The following ERBIN variants were observed in gnomAD, a reference collection of about 807,000 sequenced individuals.
ERBIN encodes the protein erbb2 interacting protein, also known as densin-180-like protein.
ERBIN carries 60 observed loss-of-function variants against 158.4 expected under a neutral mutation model. The observed-to-expected ratio is 0.38, with a 90% confidence interval of 0.31 to 0.47. The LOEUF is 0.47. Ranked by LOEUF, ERBIN falls within the 20% of genes least tolerant of loss-of-function variation. The pLI, the probability that ERBIN is intolerant of heterozygous loss-of-function variation, is 0.99. For synonymous variants in ERBIN, 594 were observed against 557.2 expected, an observed-to-expected ratio of 1.07 and a Z score of -0.93; for missense variants, 1,610 against 1,648.0, an observed-to-expected ratio of 0.98 and a Z score of 0.40.
intron 14 of ERBIN, among the ~76,000 whole-genome samples, chr5:66,030,286 C>T (rs1425776803): frequency 6.6e-6 from 1 of 152,114 alleles, no homozygotes; most frequent in East Asian, 1.9e-4. Flanking sequence ...AGGTAATCCG[C>T]CTGCTTCGGC....
intron 1 of ERBIN, among the ~76,000 whole-genome samples, chr5:65,970,733 C>T (rs1412375736): frequency 6.6e-6 from 1 of 152,158 alleles, no homozygotes; most frequent in East Asian, 1.9e-4. Context: ...GGGCTACAGA[C>T]GTACACCAGC....
chr5:65,973,660 T>C (rs997126369), intron 1 of ERBIN, among the ~76,000 whole-genome samples: 1 of 151,224 alleles, frequency 6.6e-6, no homozygotes, highest in African/African-American at 2.5e-5. Flanking sequence ...AAAATACCAC[T>C]TAAAGAACCG....
At chr5:65,958,910 A>G (rs1188261273) in intron 1 of ERBIN, among the ~76,000 whole-genome samples, 3 of 152,180 alleles carry the variant, frequency 2.0e-5, no homozygotes, top group Non-Finnish European at 2.9e-5. Flanking sequence ...AGAGTAAGCT[A>G]TGATGTTTGA....
At chr5:66,038,304 T>C (rs766710597) in intron 14 of ERBIN, 79 bp from the exon 15 acceptor site, 2 of 824,688 alleles carry the variant, frequency 2.4e-6, no homozygotes, top group Non-Finnish European at 3.9e-6. Flanking sequence ...AAAAGTGGTG[T>C]GTACTTATGC....
At chr5:66,038,571 A>T (rs1387402987) in intron 15 of ERBIN, 89 bp downstream of exon 15, 1 of 933,348 alleles carries the variant, frequency 1.1e-6, no homozygotes, top group South Asian at 1.8e-5. Context: ...GACTTTTACC[A>T]GTTTGATGGG....
intron 1 of ERBIN, among the ~76,000 whole-genome samples, chr5:65,937,280 A>G (rs1744198324): frequency 1.3e-5 from 2 of 152,232 alleles, no homozygotes; most frequent in Non-Finnish European, 2.9e-5. Flanking sequence ...ATTTGCACCA[A>G]GATTATAAAA....
chr5:65,983,264 T>C (rs1023535076), intron 1 of ERBIN, among the ~76,000 whole-genome samples: 2 of 152,192 alleles, frequency 1.3e-5, no homozygotes, highest in African/African-American at 4.8e-5. Context: ...CTTCTAGTTA[T>C]AAGTATGATC....
chr5:66,045,310 A>G (rs913443197), intron 17 of ERBIN, among the ~76,000 whole-genome samples: 5 of 152,194 alleles, frequency 3.3e-5, no homozygotes, highest in Non-Finnish European at 5.9e-5. Context: ...ATGTTTGCAT[A>G]CACAAATACT....
At chr5:66,009,211 C>G (rs766050957) in intron 4 of ERBIN, among the ~76,000 whole-genome samples, 3 of 152,128 alleles carry the variant, frequency 2.0e-5, no homozygotes, top group Admixed American at 6.5e-5. Context: ...TTAGTCAGTT[C>G]AGCAAAGGGA....
At chr5:66,076,796 G>T in intron 24 of ERBIN, 79 bp from the exon 25 acceptor site, 1 of 968,286 alleles carries the variant, frequency 1.0e-6, no homozygotes, top group Non-Finnish European at 1.6e-6. Context: ...TTTGCATGGT[G>T]TGGAGGAAAA....
chr5:66,038,758 C>A (rs1757645525), intron 15 of ERBIN, among the ~76,000 whole-genome samples: 1 of 151,948 alleles, frequency 6.6e-6, no homozygotes. Context: ...GCTAGGAATA[C>A]ATGTTAAGTG....
intron 1 of ERBIN, among the ~76,000 whole-genome samples, chr5:65,971,554 A>G (rs1281053933): frequency 6.6e-6 from 1 of 152,224 alleles, no homozygotes; most frequent in Non-Finnish European, 1.5e-5. Context: ...ATAGTTTCTT[A>G]TGGACACTCA....
At position 66,076,878 on chromosome 5, in the gene ERBIN, A is replaced by G. The variant is rs755119900; in HGVS notation, c.4060A>G (p.Ile1354Val). The G allele has an allele frequency of 3.7e-6, 6 of 1,605,476 alleles. No homozygotes were observed. The African/African-American group carries it at 4.0e-5, about 11-fold the overall frequency. Residue 1354 changes from isoleucine to valine, a missense_variant, in exon 25 of 26, where the codon ATA becomes GTA. By Grantham distance (29) the Ile-to-Val change is conservative. Transcript: ENST00000284037. Reference protein sequence around the residue: ...GNPFRPDDDGIFVTRVQPEGP... With the variant: ...GNPFRPDDDGVFVTRVQPEGP... ...ATAATTTTTTTTGTTGTTAAAGGGT[A>G]TATTTGTAACAAGGGTACAACCTGA...
rs1169712722 is a variant in ERBIN at position 66,079,866 on chromosome 5, G to A, written c.*1336G>A. ...CTGTAACAAATATTTGATGATAGAG[G>A]TTTATTAATTTTGTTTATCCAGACC... On this transcript the variant is annotated 3_prime_UTR_variant, in exon 26 of 26. Coordinates refer to ENST00000284037, the MANE Select transcript of ERBIN (RefSeq NM_001253697.2). 1 of 152,030 alleles carries A rather than the reference G, an allele frequency of 6.6e-6. No individual in the cohort carries two copies. Among genetic ancestry groups the A allele is most frequent in the Non-Finnish European group, 1.5e-5 (1 of 67,964 alleles). The allele number at this position is 152,030 out of a possible 1,614,324, so 9.4% of individuals were successfully genotyped here.
intron 1 of ERBIN, among the ~76,000 whole-genome samples, chr5:65,948,522 A>G (rs1351161619): frequency 1.3e-5 from 2 of 152,054 alleles, no homozygotes; most frequent in African/African-American, 4.8e-5. Context: ...GGTAAAATAT[A>G]CAAAACGCTC....
In ERBIN at chr5:66,023,297, T is replaced by A; in HGVS notation, c.605T>A (p.Val202Glu). 1 of 1,612,882 alleles carries A rather than the reference T, an allele frequency of 6.2e-7. No individual in the cohort carries two copies. The highest frequency in any genetic ancestry group is 1.1e-5 in the South Asian group (1 of 91,006). Reference protein sequence around the residue: ...GSNEFTEVPEVLEQLSGLKEF... With the variant: ...GSNEFTEVPEELEQLSGLKEF... ...CTACCCTAATCCCAACAGCCTGAAG[T>A]ACTTGAGCAACTAAGTGGATTGAAA... Residue 202 changes from valine to glutamate, a missense_variant, in exon 9 of 26, where the codon GTA becomes GAA. Coordinates refer to ENST00000284037, the MANE Select transcript of ERBIN (RefSeq NM_001253697.2).
intron 14 of ERBIN, among the ~76,000 whole-genome samples, chr5:66,029,288 T>C (rs1485700907): frequency 6.6e-6 from 1 of 152,200 alleles, no homozygotes; most frequent in Non-Finnish European, 1.5e-5. Context: ...CAAAATAGAA[T>C]GTACAATTTA....
intron 17 of ERBIN, among the ~76,000 whole-genome samples, 183 bp downstream of exon 17, chr5:66,044,493 G>A (rs1758219990): frequency 6.6e-6 from 1 of 152,166 alleles, no homozygotes; most frequent in Admixed American, 6.5e-5. Context: ...GGCTGGGCGT[G>A]GTGGCTCACA....
chr5:66,007,028 C>T (rs1479918649), intron 4 of ERBIN, among the ~76,000 whole-genome samples: 2 of 149,260 alleles, frequency 1.3e-5, no homozygotes, highest in Non-Finnish European at 2.9e-5. Context: ...ACCCAGCAAT[C>T]CCATTACTGG....
Sources: gnomAD v4.1 joint callset for allele counts (sites outside exome capture counted in the v4.1 genomes callset) on GRCh38, gnomAD v4.1.1 for gene constraint, MANE v1.5 for transcripts, NCBI Gene and HGNC (gene_info 2026-07-23, HGNC 2026-07-21) for gene names.